The following TTC6 variants were observed in gnomAD, a reference collection of about 807,000 sequenced individuals.
TTC6 encodes tetratricopeptide repeat protein 6.
TTC6 carries 172 observed loss-of-function variants against 210.4 expected under a neutral mutation model. The observed-to-expected ratio is 0.82, with a 90% CI of 0.72 to 0.93. The LOEUF is 0.93. TTC6 is among the 40% of genes least tolerant of loss of function. The pLI, the probability that TTC6 is intolerant of heterozygous loss-of-function variation, is 0.00. For missense variants in TTC6, 2,414 were observed against 2,318.1 expected (o/e 1.04, Z -0.85); for synonymous variants, 804 against 819.6 (o/e 0.98, Z 0.32).
upstream of TTC6, among the ~76,000 whole-genome samples, chr14:37,617,469 A>G (rs2095644612): frequency 2.6e-5 from 4 of 152,176 alleles, no homozygotes; most frequent in South Asian, 8.3e-4. Flanking sequence ...TCTATTTTCT[A>G]TATCCTTTTA....
chr14:37,812,512 C>A, intron 25 of TTC6, 79 bp downstream of exon 27: 1 of 1,359,168 alleles, frequency 7.4e-7, no homozygotes, highest in Non-Finnish European at 9.8e-7. Flanking sequence ...TTATTATTAT[C>A]AACTGGCAAT....
chr14:37,835,230 G>A (rs986697213), intron 29 of TTC6, among the ~76,000 whole-genome samples: 2 of 152,158 alleles, frequency 1.3e-5, no homozygotes, highest in African/African-American at 4.8e-5. Flanking sequence ...GGCAGGGTGA[G>A]TGTGGTGTGA....
At chr14:37,603,230 C>T (rs1038675496) in intron 1 of TTC6, among the ~76,000 whole-genome samples, 1 of 152,186 alleles carries the variant, frequency 6.6e-6, no homozygotes, top group Non-Finnish European at 1.5e-5. Context: ...GCTAGGGAAC[C>T]CAGCCAGGCC....
At chr14:37,759,564 G>A (rs574824125) in intron 14 of TTC6, among the ~76,000 whole-genome samples, 6 of 152,066 alleles carry the variant, frequency 3.9e-5, no homozygotes, top group African/African-American at 9.6e-5. Context: ...GCTAGATTGC[G>A]GTTCTCCCGG....
At chr14:37,643,169 G>C (rs891854888) in intron 1 of TTC6, among the ~76,000 whole-genome samples, 1 of 152,096 alleles carries the variant, frequency 6.6e-6, no homozygotes, top group African/African-American at 2.4e-5. Flanking sequence ...CTAGCTGGGT[G>C]TGGTGGCTCA....
intron 1 of TTC6, among the ~76,000 whole-genome samples, chr14:37,645,647 G>A (rs965277113): frequency 6.6e-6 from 1 of 152,180 alleles, no homozygotes; most frequent in African/African-American, 2.4e-5. Context: ...TCCAATTCAT[G>A]TATGAAGGAG....
intron 10 of TTC6, among the ~76,000 whole-genome samples, chr14:37,742,412 G>GTT (rs61616277): frequency 2.9e-4 from 44 of 151,076 alleles, no homozygotes; most frequent in South Asian, 1.5e-3. Context: ...TTTTTGTTTT[G>GTT]TTTTTTTTGT....
Position 37,643,047 on chromosome 14 carries a change from C to T in TTC6, c.939+20044C>T, listed in dbSNP as rs528468828. On this transcript the variant is annotated intron_variant, in intron 1 of 30. Coordinates refer to ENST00000553443, the Ensembl canonical transcript of TTC6. ...ATCTGGCCGGGTGTGGTGGCTCACA[C>T]CTGTAATCCCAGCACTTTGGGAGGC... is the stretch of plus-strand genomic sequence containing the variant. Among the ~76,000 whole-genome samples the T allele has an allele frequency of 6.6e-4, 100 of 152,314 alleles. 1 individual carries two copies. The highest frequency in any genetic ancestry group is 1.2e-3 in the Non-Finnish European group (85 of 68,038).
rs569751527 is a variant in TTC6, at chr14:37,782,873, C to T, written c.3267-4595C>T. 7.5e-4 allele frequency among the ~76,000 whole-genome samples: 114 copies of T among 152,264 alleles called. 1 individual carries two copies. The highest frequency in any genetic ancestry group is 2.6e-3 in the African/African-American group (110 of 41,528). ...ATTTTGTCAAAGGCCTTTTCTGCATCTATTGAGATAATCATGTGGTTTTTG... is the reference window on the plus strand; with the variant it reads ...ATTTTGTCAAAGGCCTTTTCTGCATTTATTGAGATAATCATGTGGTTTTTG... On this transcript the variant is annotated intron_variant, in intron 14 of 30. Coordinates refer to ENST00000553443, the Ensembl canonical transcript of TTC6.
intron 10 of TTC6, among the ~76,000 whole-genome samples, chr14:37,743,736 C>T (rs182064321): frequency 3.0e-4 from 45 of 152,282 alleles, no homozygotes; most frequent in African/African-American, 1.1e-3. Flanking sequence ...GTTTAGAGGA[C>T]CCCTCATTCA....
intron 10 of TTC6, among the ~76,000 whole-genome samples, chr14:37,747,974 G>A (rs1320014232): frequency 6.6e-6 from 1 of 152,196 alleles, no homozygotes; most frequent in African/African-American, 2.4e-5. Context: ...TATGGACCAT[G>A]GTGAAGGGCT....
chr14:37,838,264 T>C (rs2096202466), intron 29 of TTC6, among the ~76,000 whole-genome samples: 1 of 152,192 alleles, frequency 6.6e-6, no homozygotes, highest in East Asian at 1.9e-4. Flanking sequence ...TCTAGTATAT[T>C]GTAAATAAAT....
chr14:37,714,437 A>T (rs2095849279), intron 5 of TTC6, among the ~76,000 whole-genome samples: 4 of 152,132 alleles, frequency 2.6e-5, no homozygotes. Flanking sequence ...ATGAAACAAA[A>T]CCATCATAAA....
At chr14:37,825,460 A>G (rs900924990) in intron 27 of TTC6, among the ~76,000 whole-genome samples, 22 of 151,994 alleles carry the variant, frequency 1.4e-4, no homozygotes, top group South Asian at 2.1e-4. Context: ...ATCTGGCAAG[A>G]TGGGTTTTTT....
intron 2 of TTC6, among the ~76,000 whole-genome samples, chr14:37,682,052 C>T (rs909831334): frequency 2.0e-5 from 3 of 151,982 alleles, no homozygotes; most frequent in Non-Finnish European, 4.4e-5. Context: ...GAACTACAAC[C>T]TGGAAGCAGC....
At chr14:37,700,541 G>A (rs1184716222) in intron 4 of TTC6, among the ~76,000 whole-genome samples, 1 of 151,936 alleles carries the variant, frequency 6.6e-6, no homozygotes, top group African/African-American at 2.4e-5. Flanking sequence ...TCAGGAGTCT[G>A]AGACCAGCCT....
At chr14:37,685,704 A>G (rs926716822) in intron 3 of TTC6, among the ~76,000 whole-genome samples, 1 of 152,208 alleles carries the variant, frequency 6.6e-6, no homozygotes, top group Non-Finnish European at 1.5e-5. Context: ...AAAGATTTTA[A>G]GAGTTAACTT....
intron 10 of TTC6, among the ~76,000 whole-genome samples, chr14:37,740,946 G>A (rs2095917119): frequency 1.3e-5 from 2 of 152,092 alleles, no homozygotes; most frequent in Admixed American, 6.6e-5. Flanking sequence ...CTGCTTCTGT[G>A]GGGTGTGGTC....
chr14:37,744,115 C>A (rs2095928972), intron 10 of TTC6, among the ~76,000 whole-genome samples: 2 of 152,170 alleles, frequency 1.3e-5, no homozygotes, highest in Non-Finnish European at 2.9e-5. Flanking sequence ...AATGTGATTT[C>A]TCTTATTAAA....
Sources: gnomAD v4.1 joint callset for allele counts (sites outside exome capture counted in the v4.1 genomes callset) on GRCh38, gnomAD v4.1.1 for gene constraint, MANE v1.5 for transcripts, NCBI Gene and HGNC (gene_info 2026-07-23, HGNC 2026-07-21) for gene names.